The following CERK variants were observed in gnomAD, a reference collection of about 807,000 sequenced individuals.
CERK encodes acylsphingosine kinase.
Under a neutral mutation model 63.4 loss-of-function variants are expected in CERK, and 39 were observed. That is an observed-to-expected ratio of 0.61 (90% confidence interval 0.48 to 0.80). The LOEUF (loss-of-function observed/expected upper bound fraction) is 0.80, where lower values mean the gene tolerates loss of function less well. Among genes scored for constraint, CERK ranks in the 30% least tolerant of loss-of-function variants. The pLI is 0.00. For missense variants in CERK, 670 were observed against 714.1 expected, an observed-to-expected ratio of 0.94 and a Z score of 0.70; for synonymous variants, 302 against 280.0, an observed-to-expected ratio of 1.08 and a Z score of -0.78.
intron 6 of CERK, 100 bp from the exon 7 acceptor site, chr22:46,701,810 C>T: frequency 1.3e-6 from 1 of 799,250 alleles, no homozygotes; most frequent in Non-Finnish European, 2.0e-6. Flanking sequence ...CCTTCCATGG[C>T]CCTAGAGTCA....
At chr22:46,708,163 G>A (rs940401397) in intron 5 of CERK, among the ~76,000 whole-genome samples, 175 bp from the exon 6 acceptor site, 2 of 152,200 alleles carry the variant, frequency 1.3e-5, no homozygotes, top group African/African-American at 4.8e-5. Flanking sequence ...TGTGCCAGTT[G>A]GCCTAGACCA....
chr22:46,687,069 G>T lies in CERK; in HGVS notation c.*65C>A. On this transcript the variant is annotated 3_prime_UTR_variant, in exon 13 of 13. Coordinates refer to ENST00000216264, the MANE Select transcript of CERK (RefSeq NM_022766.6). ...TTTAAATGTATATATCAACATAATT[G>T]GTCTGTAATAATTATCTTAAATAGT... is the stretch of plus-strand genomic sequence containing the variant. 1 of 1,254,494 alleles carries T rather than the reference G, an allele frequency of 8.0e-7. No homozygotes were observed. Among genetic ancestry groups the T allele is most frequent in the South Asian group, 1.2e-5 (1 of 82,584 alleles). 77.7% of individuals were successfully genotyped at this position (1,254,494 alleles called of 1,614,324 possible).
chr22:46,688,563 C>A (rs2146538515), intron 12 of CERK, among the ~76,000 whole-genome samples: 1 of 152,332 alleles, frequency 6.6e-6, no homozygotes, highest in East Asian at 1.9e-4. Context: ...GGGGCAGAGA[C>A]CTCCTCCCTT....
intron 11 of CERK, among the ~76,000 whole-genome samples, 176 bp from the exon 12 acceptor site, chr22:46,690,376 C>T (rs1337564152): frequency 1.3e-5 from 2 of 151,988 alleles, no homozygotes; most frequent in Admixed American, 6.6e-5. Context: ...GCTGAACTGA[C>T]AGCTCAGAGA....
chr22:46,711,830 T>G (rs183093257), intron 4 of CERK, among the ~76,000 whole-genome samples: 62 of 152,358 alleles, frequency 4.1e-4, no homozygotes, highest in African/African-American at 1.1e-3. Context: ...CTCATGCCTA[T>G]AATCCCAGCA....
chr22:46,732,991 G>A (rs557455091), intron 1 of CERK, among the ~76,000 whole-genome samples: 19 of 151,964 alleles, frequency 1.3e-4, no homozygotes, highest in African/African-American at 4.1e-4. Flanking sequence ...GGAGGATCAC[G>A]AGGTCAGGAG....
At chr22:46,712,952 C>CAT (rs1483448818) in intron 3 of CERK, among the ~76,000 whole-genome samples, 2 of 151,332 alleles carry the variant, frequency 1.3e-5, no homozygotes, top group African/African-American at 4.9e-5. Context: ...TCATGCCATC[C>CAT]TCCTGCCTCA....
In CERK at chr22:46,690,009, G is replaced by A; in HGVS notation, c.1524C>T (p.Ser508=). The A allele has an allele frequency of 6.2e-7, 1 of 1,607,850 alleles. No homozygotes were observed. The highest frequency in any genetic ancestry group is 8.5e-7 in the Non-Finnish European group (1 of 1,179,580). ...SWNCDGEVLH[S]PAIEVRVHCQ... ...GCACGCACCTGACCTCGATGGCAGG[G>A]CTGTGCAGGACCTCCCCGTCGCAGT... The change falls in exon 12 of 13, where the codon AGC becomes AGT. Residue 508 remains serine, a synonymous_variant. Transcript: ENST00000216264.
At chr22:46,693,984 C>T (rs1371186258) in intron 9 of CERK, among the ~76,000 whole-genome samples, 6 of 152,104 alleles carry the variant, frequency 3.9e-5, no homozygotes, top group African/African-American at 9.7e-5. Context: ...TGGGGGCTGC[C>T]GGATTCACGC....
At chr22:46,706,075 G>C (rs1245711503) in intron 6 of CERK, among the ~76,000 whole-genome samples, 1 of 152,236 alleles carries the variant, frequency 6.6e-6, no homozygotes, top group Non-Finnish European at 1.5e-5. Context: ...CACCTTCAGG[G>C]GCTGGGAGCC....
Position 46,714,363 on chromosome 22 carries a change from G to A in CERK, c.380-2070C>T, listed in dbSNP as rs555624483. On this transcript the variant is annotated intron_variant, in intron 3 of 12. Transcript: ENST00000216264. The surrounding 1 kb of genome is among the most constrained non-coding windows in gnomAD (Gnocchi z 4.4). ...GGAGGCTGAGGTGAGAGAATCACTT[G>A]AACCTGGGAGGTCGAGGCTGCAGTG... 6.6e-6 allele frequency among the ~76,000 whole-genome samples: 1 copy of A among 152,300 alleles called. No homozygotes were observed. Among genetic ancestry groups the A allele is most frequent in the Admixed American group, 6.5e-5 (1 of 15,302 alleles).
chr22:46,703,425 G>A (rs1413748453), intron 6 of CERK, among the ~76,000 whole-genome samples: 8 of 152,066 alleles, frequency 5.3e-5, no homozygotes. Flanking sequence ...CCTGGAGCAT[G>A]AGTGAGTTCA....
chr22:46,716,493 G>A (rs1267284558), intron 3 of CERK, among the ~76,000 whole-genome samples: 1 of 143,522 alleles, frequency 7.0e-6, no homozygotes, highest in Admixed American at 6.9e-5. Context: ...GCCCGGCCAA[G>A]ACCCCGTCTC....
At chr22:46,711,856 G>C (rs1039647344) in intron 4 of CERK, among the ~76,000 whole-genome samples, 1 of 152,198 alleles carries the variant, frequency 6.6e-6, no homozygotes, top group Non-Finnish European at 1.5e-5. Context: ...GGAGGCTAAG[G>C]TGGGCAACAT....
At position 46,712,153 on chromosome 22, in the gene CERK, C is replaced by G; in HGVS notation, c.505+15G>C. On this transcript the variant is annotated intron_variant, in intron 4 of 12. Coordinates refer to ENST00000216264, the MANE Select transcript of CERK (RefSeq NM_022766.6). Reference sequence around the variant, plus strand: ...CTCAAACTTACTTCTACATAGTTAACATAGAATTTGTTACCGATGATGTCA... The same window carrying G: ...CTCAAACTTACTTCTACATAGTTAAGATAGAATTTGTTACCGATGATGTCA... The G allele has an allele frequency of 6.2e-7, 1 of 1,613,732 alleles. No individual in the cohort carries two copies. The highest frequency in any genetic ancestry group is 8.5e-7 in the Non-Finnish European group (1 of 1,179,818).
chr22:46,691,826 CA>C, intron 10 of CERK, 49 bp from the exon 11 acceptor site: 2 of 1,531,380 alleles, frequency 1.3e-6, no homozygotes, highest in Non-Finnish European at 1.8e-6. Flanking sequence ...TGGCGCCGGG[CA>C]GCGCCCTGCA....
In CERK at chr22:46,718,171, A is replaced by G. The variant is rs144584424; in HGVS notation, c.379+1915T>C. On this transcript the variant is annotated intron_variant, in intron 3 of 12. Transcript: ENST00000216264. ...AGTAGCTGAAACAATAGAATCATAT[A>G]CAATTTTTAGCTACAAGGAGACTAT... Among the ~76,000 whole-genome samples, 169 of 152,324 alleles carry G rather than the reference A, an allele frequency of 1.1e-3. 2 individuals carry two copies. Among genetic ancestry groups the G allele is most frequent in the East Asian group, 5.2e-3 (27 of 5,184 alleles).
chr22:46,710,326 C>T (rs994324941), intron 5 of CERK, among the ~76,000 whole-genome samples: 48 of 151,374 alleles, frequency 3.2e-4, no homozygotes, highest in African/African-American at 9.5e-4. Flanking sequence ...CCCAGCTACT[C>T]GGGAGGTTGA....
rs138951669 is a variant in CERK, at chr22:46,720,199, A to G, written c.266T>C (p.Val89Ala). 5.8e-5 allele frequency: 94 copies of G among 1,613,402 alleles called. No individual in the cohort carries two copies. The highest frequency in any genetic ancestry group is 7.9e-5 in the Non-Finnish European group (93 of 1,179,786). ...CCAGCGGTGCCGTCGTGCTCTCTTT[A>G]CACAGTGAACTGCACAGAAGCAAGC... ...EKPYAFTVHC[V>A]KRARRHRWKW... Residue 89 changes from valine (V) to alanine (A), a missense_variant, in exon 3 of 13, where the codon GTA (valine) becomes GCA (alanine). Val to Ala is a moderately conservative substitution (Grantham distance 64). Transcript: ENST00000216264.
Sources: allele counts gnomAD v4.1 joint callset (sites outside exome capture counted in the v4.1 genomes callset), GRCh38; gene constraint gnomAD v4.1.1; non-coding constraint Gnocchi (gnomAD v3.1); transcripts MANE v1.5; gene names NCBI Gene and HGNC (gene_info 2026-07-23, HGNC 2026-07-21).